Variants in CASK observed in about 807,000 individuals in gnomAD.
CASK encodes the protein calcium/calmodulin dependent serine protein kinase.
In CASK, 4 loss-of-function variants were observed where a neutral mutation model predicts 82.9. That is an observed-to-expected ratio of 0.05 (90% CI 0.02 to 0.11). The LOEUF (loss-of-function observed/expected upper bound fraction) is 0.11. Among genes scored for constraint, CASK ranks in the 10% least tolerant of loss-of-function variants. CASK has a pLI of 1.00. For missense variants in CASK, 358 were observed against 720.9 expected (o/e 0.50, Z 5.76); for synonymous variants, 259 against 253.5 (o/e 1.02, Z -0.20).
intron 20 of CASK, among the ~76,000 whole-genome samples, chrX:41,554,672 G>C (rs536876069): frequency 5.4e-5 from 6 of 111,164 alleles, no homozygotes; most frequent in African/African-American, 2.0e-4. Flanking sequence ...AGCATTCAAG[G>C]GTTTATTATA....
intron 2 of CASK, among the ~76,000 whole-genome samples, chrX:41,798,835 A>C (rs1016430646): frequency 3.6e-5 from 4 of 111,952 alleles, no homozygotes; most frequent in African/African-American, 9.8e-5. Context: ...ACTGTCTCAA[A>C]AATAAAAATA....
chrX:41,739,660 G>T (rs1234006424), intron 4 of CASK, among the ~76,000 whole-genome samples: 1 of 112,259 alleles, frequency 8.9e-6, no homozygotes, highest in African/African-American at 3.2e-5. Flanking sequence ...TGAAGAAATA[G>T]TATGCTCTAT....
intron 11 of CASK, among the ~76,000 whole-genome samples, chrX:41,619,888 C>G (rs148297779): frequency 4.5e-4 from 51 of 112,397 alleles, no homozygotes; most frequent in Non-Finnish European, 7.9e-4. Flanking sequence ...TATCACATGT[C>G]TACCCATCTA....
At chrX:41,873,306 A>AG (rs1244218552) in intron 1 of CASK, among the ~76,000 whole-genome samples, 13 of 105,529 alleles carry the variant, frequency 1.2e-4, no homozygotes, top group Non-Finnish European at 1.8e-4. Flanking sequence ...AAAAAAAAAA[A>AG]AGAGAGAGAG....
At chrX:41,838,941 C>T (rs2070982022) in intron 2 of CASK, among the ~76,000 whole-genome samples, 1 of 111,239 alleles carries the variant, frequency 9.0e-6, no homozygotes, top group Non-Finnish European at 1.9e-5. Flanking sequence ...TTGAATCTTT[C>T]TCAAAAACTA....
intron 3 of CASK, among the ~76,000 whole-genome samples, chrX:41,773,913 T>C (rs1405241499): frequency 8.9e-6 from 1 of 111,919 alleles, no homozygotes. Flanking sequence ...TACTTTCTAC[T>C]ATTGTAGACT....
chrX:41,858,421 A>G lies in CASK; in HGVS notation c.60-5194T>C, dbSNP rs191614973. ...AGGACTCTTAATTTCACCCTACAGC[A>G]GTGCCTGCTTTGACCTATTCCTGAG... On this transcript the variant is annotated intron_variant, in intron 1 of 26. Transcript: ENST00000378163. Among the ~76,000 whole-genome samples the G allele has an allele frequency of 8.6e-3, 962 of 112,416 alleles. 14 individuals are homozygous for G. Among genetic ancestry groups the G allele is most frequent in the African/African-American group, 0.03 (928 of 30,937 alleles).
At chrX:41,735,602 C>T (rs2068481353) in intron 5 of CASK, among the ~76,000 whole-genome samples, 2 of 108,170 alleles carry the variant, frequency 1.8e-5, no homozygotes, top group Non-Finnish European at 3.8e-5. Context: ...ACTGCTACTA[C>T]TCTGGTCTGA....
Position 41,852,411 on chromosome X carries a change from T to C in CASK, c.172+704A>G, listed in dbSNP as rs113581077. On this transcript the variant is annotated intron_variant, in intron 2 of 26. Coordinates refer to ENST00000378163, the MANE Select transcript of CASK (RefSeq NM_001367721.1). ...CTGTGGAAAAGTGAAAAGTTAGTAA[T>C]GGGCTAATTAGAAAAGTTAGTATCA... Among the ~76,000 whole-genome samples the C allele has an allele frequency of 6.6e-3, 742 of 111,711 alleles. 4 individuals carry two copies. The highest frequency in any genetic ancestry group is 0.023 in the African/African-American group (708 of 30,850).
intron 5 of CASK, among the ~76,000 whole-genome samples, chrX:41,718,507 G>C (rs1035321029): frequency 1.8e-5 from 2 of 112,040 alleles, no homozygotes; most frequent in Admixed American, 1.9e-4. Flanking sequence ...TGTCAGAATA[G>C]AACTGAATTA....
intron 12 of CASK, among the ~76,000 whole-genome samples, chrX:41,603,050 C>G (rs1193789924): frequency 1.8e-5 from 2 of 111,907 alleles, no homozygotes; most frequent in Non-Finnish European, 3.8e-5. Context: ...ATTGCCAAAG[C>G]TGACTCTTAA....
intron 8 of CASK, among the ~76,000 whole-genome samples, chrX:41,653,326 G>A (rs772952967): frequency 1.8e-5 from 2 of 112,068 alleles, no homozygotes; most frequent in East Asian, 2.8e-4. Flanking sequence ...GTTTGGAGCT[G>A]CAACTGTGTC....
intron 8 of CASK, among the ~76,000 whole-genome samples, chrX:41,650,153 T>C (rs1307651819): frequency 9.0e-6 from 1 of 111,443 alleles, no homozygotes; most frequent in Non-Finnish European, 1.9e-5. Context: ...TGTCTCTGCA[T>C]GTGAGATGTG....
intron 2 of CASK, among the ~76,000 whole-genome samples, chrX:41,807,485 C>CT (rs2070147086): frequency 8.9e-6 from 1 of 111,930 alleles, no homozygotes; most frequent in African/African-American, 3.2e-5. Context: ...ATCCCAGACA[C>CT]TTAGTACTGA....
intron 12 of CASK, among the ~76,000 whole-genome samples, chrX:41,607,551 C>G (rs17146076): frequency 0.031 from 3,479 of 112,055 alleles, 141 homozygotes; most frequent in African/African-American, 0.11. Context: ...ATTGTGAAAA[C>G]TTTCTGCAGC....
rs2066132461 is a variant in CASK, at chrX:41,613,222, G to A, written c.1034-3197C>T. Among the ~76,000 whole-genome samples, 4 of 110,958 alleles carry A rather than the reference G, an allele frequency of 3.6e-5. 1 individual carries two copies. In the Admixed American group the frequency reaches 3.8e-4, roughly 10 times the overall value. On this transcript the variant is annotated intron_variant, in intron 11 of 26. Coordinates refer to ENST00000378163, the MANE Select transcript of CASK (RefSeq NM_001367721.1). Reference sequence around the variant, plus strand: ...AAGGTGGGGAAAAGATTGAGAAATCGGATGGTTGCCGTGTCTGTGTAGAAA... The same window carrying A: ...AAGGTGGGGAAAAGATTGAGAAATCAGATGGTTGCCGTGTCTGTGTAGAAA...
At chrX:41,842,028 TTTGAG>T (rs763093809) in intron 2 of CASK, among the ~76,000 whole-genome samples, 5 of 111,893 alleles carry the variant, frequency 4.5e-5, no homozygotes, top group Non-Finnish European at 7.5e-5. Flanking sequence ...TTTGATCTAC[TTTGAG>T]TTAATTTTTG....
intron 5 of CASK, among the ~76,000 whole-genome samples, chrX:41,699,717 T>A (rs1033601423): frequency 8.1e-5 from 9 of 111,115 alleles, no homozygotes; most frequent in African/African-American, 2.3e-4. Context: ...TATTGCTATA[T>A]TATTTGGAAT....
At chrX:41,828,069 A>G (rs192294582) in intron 2 of CASK, among the ~76,000 whole-genome samples, 1 of 111,545 alleles carries the variant, frequency 9.0e-6, no homozygotes, top group East Asian at 2.8e-4. Context: ...CACCAGCCCC[A>G]TGAGGACAGT....
Sources: allele counts gnomAD v4.1 joint callset (sites outside exome capture counted in the v4.1 genomes callset), GRCh38; gene constraint gnomAD v4.1.1; transcripts MANE v1.5; gene names NCBI Gene and HGNC (gene_info 2026-07-23, HGNC 2026-07-21).